The following NELFA variants were observed in gnomAD, a reference collection of about 807,000 sequenced individuals.
NELFA encodes the protein negative elongation factor A.
Under a neutral mutation model 51.8 loss-of-function variants are expected in NELFA, and 35 were observed. The ratio of observed to expected loss-of-function variants is 0.68; its 90% CI spans 0.52 to 0.90. The LOEUF (loss-of-function observed/expected upper bound fraction) is 0.90. Ranked by LOEUF, NELFA falls within the 40% of genes least tolerant of loss-of-function variation. The pLI is 0.00. For missense variants in NELFA, 658 were observed against 746.4 expected (o/e 0.88, Z 1.38); for synonymous variants, 417 against 338.4 (o/e 1.23, Z -2.55).
At chr4:2,007,239 T>C in intron 1 of NELFA, 1 of 300,210 alleles carries the variant, frequency 3.3e-6, no homozygotes, top group South Asian at 2.5e-5. Context: ...CAAAACACTC[T>C]GAAAAATAAT....
intron 8 of NELFA, 122 bp from the exon 9 acceptor site, chr4:1,984,235 C>G: frequency 4.1e-6 from 5 of 1,219,674 alleles, no homozygotes; most frequent in Non-Finnish European, 5.5e-6. Flanking sequence ...GACAAGAACT[C>G]CCTGTGGCCC....
chr4:1,987,325 G>T (rs1176182590), intron 4 of NELFA, among the ~76,000 whole-genome samples: 3 of 152,228 alleles, frequency 2.0e-5, no homozygotes, highest in African/African-American at 7.2e-5. Context: ...GCACCCTCTG[G>T]GGTGAGTATG....
intron 1 of NELFA, among the ~76,000 whole-genome samples, chr4:2,004,954 T>C (rs1197548247): frequency 6.6e-6 from 1 of 151,458 alleles, no homozygotes; most frequent in Non-Finnish European, 1.5e-5. Flanking sequence ...TACAGGCGCC[T>C]GCCACCATGC....
chr4:1,983,983 C>T lies in NELFA; in HGVS notation c.1167G>A (p.Ala389=), dbSNP rs372860136. 18 of 1,609,708 alleles carry T rather than the reference C, an allele frequency of 1.1e-5. No individual in the cohort carries two copies. Among genetic ancestry groups the T allele is most frequent in the South Asian group, 2.2e-5 (2 of 91,000 alleles). The part of the protein sequence containing the change: ...SGLSPATPTP[A]APTSPLTPTT... ...TGGGTGTCAGAGGCGAGGTGGGCGC[C>T]GCAGGCGTGGGTGTGGCAGGGCTCA... Residue 389 remains alanine, a synonymous_variant, in exon 9 of 11, where the codon GCG becomes GCA. Coordinates refer to ENST00000382882, the MANE Select transcript of NELFA (RefSeq NM_005663.5).
intron 6 of NELFA, 122 bp downstream of exon 6, chr4:1,985,990 CCA>C: frequency 1.5e-6 from 2 of 1,348,858 alleles, no homozygotes; most frequent in Non-Finnish European, 2.0e-6. Context: ...AAGCAGGCAC[CCA>C]CCCACGGAGA....
chr4:1,988,868 A>G (rs1448296441), intron 3 of NELFA, among the ~76,000 whole-genome samples: 1 of 151,820 alleles, frequency 6.6e-6, no homozygotes, highest in East Asian at 1.9e-4. Flanking sequence ...CGTGCCCAAC[A>G]GCGTGACTCA....
chr4:1,985,734 C>T (rs1728067745), intron 7 of NELFA, 42 bp downstream of exon 7: 3 of 1,546,824 alleles, frequency 1.9e-6, no homozygotes, highest in African/African-American at 1.4e-5. Context: ...AAAAGGGGCA[C>T]CCGCAGTGGT....
At chr4:2,007,010 C>T in intron 1 of NELFA, 1 of 192,422 alleles carries the variant, frequency 5.2e-6, no homozygotes, top group Non-Finnish European at 1.1e-5. Context: ...GTAATCCCAG[C>T]CCTTCAGGAG....
At chr4:2,005,060 G>C (rs1355975084) in intron 1 of NELFA, among the ~76,000 whole-genome samples, 1 of 151,494 alleles carries the variant, frequency 6.6e-6, no homozygotes, top group Non-Finnish European at 1.5e-5. Context: ...CGCCCGCCTC[G>C]GCCTCCCAAA....
chr4:2,001,872 C>T (rs986879880), intron 1 of NELFA, among the ~76,000 whole-genome samples: 4 of 150,678 alleles, frequency 2.7e-5, no homozygotes, highest in African/African-American at 9.8e-5. Context: ...CACTGCACTC[C>T]AGCCTGGCCG....
intron 8 of NELFA, 127 bp downstream of exon 8, chr4:1,984,681 C>G: frequency 1.5e-6 from 1 of 668,504 alleles, no homozygotes; most frequent in Non-Finnish European, 2.5e-6. Flanking sequence ...CCAGCAGATT[C>G]TGGCTGAGGC....
intron 1 of NELFA, among the ~76,000 whole-genome samples, chr4:1,997,878 C>G (rs1312854846): frequency 6.6e-6 from 1 of 152,172 alleles, no homozygotes; most frequent in East Asian, 1.9e-4. Context: ...AGTGACCCTA[C>G]TGGCATCAGG....
At chr4:1,990,172 C>A in intron 2 of NELFA, 1 of 448,598 alleles carries the variant, frequency 2.2e-6, no homozygotes, top group South Asian at 2.1e-5. Flanking sequence ...CTGGAGGGCT[C>A]CAGACACTTG....
Position 2,008,886 on chromosome 4 carries a change from G to A in NELFA, c.74C>T (p.Ala25Val), listed in dbSNP as rs1410636164. The change falls in exon 1 of 11, where the codon GCG (alanine) becomes GTG (valine). Residue 25 changes from alanine (A) to valine (V), a missense_variant. By Grantham distance (64) the Ala-to-Val change is moderately conservative. Around this residue, in one of 3 missense-constraint regions of NELFA, gnomAD observed 371 missense variants for 448.3 expected, o/e 0.83. Coordinates refer to ENST00000382882, the MANE Select transcript of NELFA (RefSeq NM_005663.5). ...GAGCAGGGACGCGATGCTGGGCGGC[G>A]CCCACAGCTCGTCCGTGGCCCCCAG... ...NKLGATDELW[A>V]PPSIASLLTA... 2.5e-6 allele frequency: 4 copies of A among 1,592,474 alleles called. No homozygotes were observed. The Admixed American group carries it at 5.4e-5, about 21-fold the overall frequency.
intron 1 of NELFA, among the ~76,000 whole-genome samples, chr4:2,000,064 T>C (rs1728531292): frequency 6.6e-6 from 1 of 152,150 alleles, no homozygotes; most frequent in African/African-American, 2.4e-5. Flanking sequence ...AAGAATTTCT[T>C]TGAAACCAAT....
chr4:1,985,433 C>T (rs1478920679), intron 7 of NELFA, among the ~76,000 whole-genome samples: 3 of 152,100 alleles, frequency 2.0e-5, no homozygotes, highest in African/African-American at 4.8e-5. Flanking sequence ...CACCCAGCAC[C>T]CCCACAGGCC....
chr4:1,991,467 A>T, intron 2 of NELFA, 77 bp downstream of exon 2: 1 of 1,503,400 alleles, frequency 6.7e-7, no homozygotes, highest in Non-Finnish European at 9.2e-7. Context: ...CTAAAAATCA[A>T]ATTCATTTCA....
chr4:2,000,969 G>T (rs1490683915), intron 1 of NELFA, among the ~76,000 whole-genome samples: 1 of 152,108 alleles, frequency 6.6e-6, no homozygotes, highest in African/African-American at 2.4e-5. Flanking sequence ...TTCATCCCTG[G>T]GATGCAAGGC....
At chr4:1,987,106 G>C (rs1341344431) in intron 4 of NELFA, among the ~76,000 whole-genome samples, 2 of 152,170 alleles carry the variant, frequency 1.3e-5, no homozygotes, top group Admixed American at 1.3e-4. Flanking sequence ...AGCGACAATA[G>C]TCAGCAGACC....
Sources: gnomAD v4.1 joint callset for allele counts (sites outside exome capture counted in the v4.1 genomes callset) on GRCh38, gnomAD v4.1.1 for gene constraint, gnomAD v4.1.1 regional missense constraint, MANE v1.5 for transcripts, NCBI Gene and HGNC (gene_info 2026-07-23, HGNC 2026-07-21) for gene names.